Variants in LCOR observed in about 807,000 individuals in gnomAD.
LCOR encodes ligand dependent nuclear receptor corepressor, also known as ligand-dependent corepressor.
In LCOR, 14 loss-of-function variants were observed where a neutral mutation model predicts 64.4. The observed-to-expected ratio is 0.22, with a 90% CI of 0.14 to 0.34. LCOR has a LOEUF of 0.34. LCOR is among the 10% of genes least tolerant of loss of function. The probability of loss-of-function intolerance (pLI) is 1.00; values close to 1 mark genes in which losing one functional copy is unlikely to be tolerated. For missense variants in LCOR, 1,686 were observed against 1,765.3 expected, an observed-to-expected ratio of 0.96 and a Z score of 0.80; for synonymous variants, 643 against 642.5, an observed-to-expected ratio of 1.00 and a Z score of -0.01.
At chr10:96,921,199 T>G (rs564779250) in intron 4 of LCOR, among the ~76,000 whole-genome samples, 13 of 152,268 alleles carry the variant, frequency 8.5e-5, no homozygotes, top group Admixed American at 6.5e-4. Context: ...TTATAATTTA[T>G]TTTTTCACTC....
chr10:96,918,679 TGGTA>T (rs1846997031), intron 4 of LCOR, among the ~76,000 whole-genome samples: 1 of 152,204 alleles, frequency 6.6e-6, no homozygotes, highest in Non-Finnish European at 1.5e-5. Flanking sequence ...TACTGGACAT[TGGTA>T]GGAGATTCCT....
intron 2 of LCOR, among the ~76,000 whole-genome samples, chr10:96,905,375 G>A (rs1846710106): frequency 1.3e-5 from 2 of 152,022 alleles, no homozygotes; most frequent in Non-Finnish European, 2.9e-5. Flanking sequence ...TTAGCTATTT[G>A]CGTTGTGTAT....
intron 4 of LCOR, among the ~76,000 whole-genome samples, chr10:96,911,971 G>T (rs903939483): frequency 6.6e-6 from 1 of 150,720 alleles, no homozygotes; most frequent in African/African-American, 2.4e-5. Context: ...TCTCACTGTT[G>T]CGCAGGCTGC....
chr10:96,941,542 AC>A (rs574987146), intron 4 of LCOR, among the ~76,000 whole-genome samples: 14 of 66,150 alleles, frequency 2.1e-4, no homozygotes, highest in East Asian at 9.9e-4. Flanking sequence ...CGGGGGGCTG[AC>A]CCCCCCCACC....
intron 2 of LCOR, among the ~76,000 whole-genome samples, chr10:96,882,218 T>A (rs1444858801): frequency 1.3e-5 from 2 of 152,246 alleles, no homozygotes; most frequent in Non-Finnish European, 2.9e-5. Context: ...ATTTCTTTAA[T>A]GTATGGGTTA....
chr10:96,951,080 C>G (rs1053478183), intron 6 of LCOR, among the ~76,000 whole-genome samples: 1 of 152,042 alleles, frequency 6.6e-6, no homozygotes. Context: ...GTAGCTTCTA[C>G]TCTGGGGTGA....
At chr10:96,854,778 G>C (rs1010331686) in intron 2 of LCOR, among the ~76,000 whole-genome samples, 2 of 152,142 alleles carry the variant, frequency 1.3e-5, no homozygotes, top group African/African-American at 4.8e-5. Flanking sequence ...AGATGTACTA[G>C]AATTGGTGAT....
intron 2 of LCOR, among the ~76,000 whole-genome samples, chr10:96,883,077 T>C (rs1247389119): frequency 1.3e-5 from 2 of 152,176 alleles, no homozygotes; most frequent in Non-Finnish European, 2.9e-5. Context: ...CATGTTGTTG[T>C]TCAGGCTGGA....
At chr10:96,862,857 G>A (rs1457416890) in intron 2 of LCOR, among the ~76,000 whole-genome samples, 6 of 151,618 alleles carry the variant, frequency 4.0e-5, no homozygotes, top group African/African-American at 1.2e-4. Context: ...TTAAAGTTTA[G>A]TAATATGTTT....
At chr10:96,861,245 A>G (rs1218494862) in intron 2 of LCOR, among the ~76,000 whole-genome samples, 1 of 152,220 alleles carries the variant, frequency 6.6e-6, no homozygotes, top group East Asian at 1.9e-4. Context: ...TTAAATACAT[A>G]TGCTTTCCCT....
intron 4 of LCOR, among the ~76,000 whole-genome samples, chr10:96,941,162 G>T (rs1228151564): frequency 3.0e-5 from 4 of 134,130 alleles, no homozygotes; most frequent in Non-Finnish European, 4.9e-5. Context: ...CTCACCTCCC[G>T]GACAGGGCGG....
In LCOR at chr10:96,995,431, G is replaced by A. The variant is rs1848234678; in HGVS notation, c.*10297G>A. The A allele has an allele frequency of 6.6e-6, 1 of 152,104 alleles. No individual in the cohort carries two copies. The highest frequency in any genetic ancestry group is 1.5e-5 in the Non-Finnish European group (1 of 68,010). 9.4% of individuals were successfully genotyped at this position (152,104 alleles called of 1,614,324 possible). A position where few individuals can be genotyped will look rare whatever the true frequency, so the allele number is the denominator to read the frequency against. ...AGATCAGTCTGTAGCTCTTGGGCCT[G>A]GATTTCTACTATGTTAGTGAGTGTA... On this transcript the variant is annotated 3_prime_UTR_variant, in exon 8 of 8. Transcript: ENST00000421806. This position sits in a 1 kb window ranked among gnomAD's most constrained non-coding sequence, Gnocchi z 4.2.
rs2134564582 is a variant in LCOR at position 96,982,633 on chromosome 10, G to A, written c.2173G>A (p.Asp725Asn). 1 of 1,614,142 alleles carries A rather than the reference G, an allele frequency of 6.2e-7. No individual in the cohort carries two copies. The highest frequency in any genetic ancestry group is 1.7e-5 in the Admixed American group (1 of 60,030). ...EPPMSLGKAEDNQSISAEVES... is the reference protein window; with the variant it reads ...EPPMSLGKAENNQSISAEVES... ...CCCCATGAGTCTGGGAAAGGCTGAG[G>A]ACAACCAAAGCATCAGTGCTGAGGT... Residue 725 changes from aspartate (D) to asparagine (N), a missense_variant, in exon 8 of 8, where the codon GAC (aspartate) becomes AAC (asparagine). Physicochemically the swap from Asp to Asn is conservative, Grantham distance 23. Transcript: ENST00000421806.
At chr10:96,951,747 C>A (rs1847684637) in intron 6 of LCOR, among the ~76,000 whole-genome samples, 1 of 152,034 alleles carries the variant, frequency 6.6e-6, no homozygotes, top group Non-Finnish European at 1.5e-5. Context: ...AACTTGTATG[C>A]TTTGATCAAG....
chr10:96,879,701 C>T (rs376366425), intron 2 of LCOR, among the ~76,000 whole-genome samples: 14 of 152,214 alleles, frequency 9.2e-5, no homozygotes, highest in African/African-American at 2.4e-4. Flanking sequence ...CTCACTCTGT[C>T]GCCCAGGCTG....
intron 2 of LCOR, among the ~76,000 whole-genome samples, chr10:96,884,464 GAGA>G (rs2134423343): frequency 6.6e-6 from 1 of 152,314 alleles, no homozygotes; most frequent in South Asian, 2.1e-4. Flanking sequence ...TACCTCGGAA[GAGA>G]AGAACTTCCT....
rs1201314339 is a variant in LCOR at position 96,991,858 on chromosome 10, T to C, written c.*6724T>C. On this transcript the variant is annotated 3_prime_UTR_variant, in exon 8 of 8. Coordinates refer to ENST00000421806, the MANE Select transcript of LCOR (RefSeq NM_001346516.2). Reference sequence around the variant, plus strand: ...CAGCCCCCTTCCAGGAGGCATATTCTCTGGGACAGTCCCCCACTTCCCCAG... The same window carrying C: ...CAGCCCCCTTCCAGGAGGCATATTCCCTGGGACAGTCCCCCACTTCCCCAG... 6.6e-6 allele frequency: 1 copy of C among 152,248 alleles called. No individual in the cohort carries two copies. Among genetic ancestry groups the C allele is most frequent in the Non-Finnish European group, 1.5e-5 (1 of 68,052 alleles). 9.4% of individuals were successfully genotyped at this position (152,248 alleles called of 1,614,324 possible).
chr10:96,934,663 G>T (rs1384533265), intron 4 of LCOR, among the ~76,000 whole-genome samples: 1 of 151,942 alleles, frequency 6.6e-6, no homozygotes, highest in Admixed American at 6.6e-5. Flanking sequence ...ATGCAGTGGC[G>T]CAGTCTTGGC....
chr10:96,903,627 A>G (rs1211403106), intron 2 of LCOR, among the ~76,000 whole-genome samples: 1 of 152,228 alleles, frequency 6.6e-6, no homozygotes, highest in Non-Finnish European at 1.5e-5. Context: ...TTCCAAAAGA[A>G]CAGGCTATAT....
Sources: gnomAD v4.1 joint callset for allele counts (sites outside exome capture counted in the v4.1 genomes callset) on GRCh38, gnomAD v4.1.1 for gene constraint, Gnocchi (gnomAD v3.1) non-coding constraint, MANE v1.5 for transcripts, NCBI Gene and HGNC (gene_info 2026-07-23, HGNC 2026-07-21) for gene names.